SEPTIN9: variants seen among roughly 807,000 people sequenced by gnomAD.
The protein encoded by SEPTIN9 is septin 9.
In SEPTIN9, 13 loss-of-function variants were observed where a neutral mutation model predicts 56.6. The ratio of observed to expected loss-of-function variants is 0.23; its 90% CI spans 0.15 to 0.37. SEPTIN9 has a LOEUF of 0.37. SEPTIN9 is among the 10% of genes least tolerant of loss of function. The pLI is 1.00. For missense variants in SEPTIN9, 650 were observed against 823.1 expected, an observed-to-expected ratio of 0.79 and a Z score of 2.57; for synonymous variants, 332 against 334.1, an observed-to-expected ratio of 0.99 and a Z score of 0.07.
chr17:77,380,974 C>T (rs568368416), intron 2 of SEPTIN9, among the ~76,000 whole-genome samples: 4 of 152,330 alleles, frequency 2.6e-5, no homozygotes, highest in African/African-American at 7.2e-5. Context: ...CTCTGGAGCC[C>T]TTTGCAGCCT....
At position 77,482,326 on chromosome 17, in the gene SEPTIN9, A is replaced by G; in HGVS notation, c.904A>G (p.Met302Val). 1 of 1,612,286 alleles carries G rather than the reference A, an allele frequency of 6.2e-7. No homozygotes were observed. The highest frequency in any genetic ancestry group is 8.5e-7 in the Non-Finnish European group (1 of 1,179,844). ...GAAGCAGGGCTTCGAGTTCAACATC[A>G]TGGTGGTCGGTGAGTCCTCACCTTG... ...AMKQGFEFNIMVVGQSGLGKS... is the reference protein window; with the variant it reads ...AMKQGFEFNIVVVGQSGLGKS... The change falls in exon 4 of 12, where the codon ATG (methionine) becomes GTG (valine). Residue 302 changes from methionine to valine, a missense_variant. Around this residue, in one of 2 missense-constraint regions of SEPTIN9, gnomAD observed 333 missense variants for 494.0 expected, o/e 0.67. Coordinates refer to ENST00000427177, the MANE Select transcript of SEPTIN9 (RefSeq NM_001113491.2).
At chr17:77,307,665 G>A (rs2032324716) in intron 2 of SEPTIN9, among the ~76,000 whole-genome samples, 1 of 152,196 alleles carries the variant, frequency 6.6e-6, no homozygotes, top group Admixed American at 6.5e-5. Context: ...AAATAAGTGG[G>A]CCTCTGGCAG....
At chr17:77,442,523 A>AG (rs1441509380) in intron 3 of SEPTIN9, among the ~76,000 whole-genome samples, 1 of 151,482 alleles carries the variant, frequency 6.6e-6, no homozygotes, top group Non-Finnish European at 1.5e-5. Context: ...AAAAAAAAAA[A>AG]AAAAAGAACT....
In SEPTIN9 at chr17:77,449,347, C is replaced by G. The variant is rs1840347252; in HGVS notation, c.722-32797C>G. 6.6e-6 allele frequency among the ~76,000 whole-genome samples: 1 copy of G among 152,166 alleles called. No homozygotes were observed. The highest frequency in any genetic ancestry group is 2.4e-5 in the African/African-American group (1 of 41,408). ...CATTTGGTGACAGCAAGAGGAACCA[C>G]TGCAAGAGGGGCGGCCACCTCAGCA... On this transcript the variant is annotated intron_variant, in intron 3 of 11. Transcript: ENST00000427177. The surrounding 1 kb of genome is among the most constrained non-coding windows in gnomAD (Gnocchi z 4.6).
Position 77,299,219 on chromosome 17 carries a change from G to A in SEPTIN9, c.20-7922G>A, listed in dbSNP as rs2031936573. 2.0e-5 allele frequency among the ~76,000 whole-genome samples: 3 copies of A among 152,136 alleles called. No individual in the cohort carries two copies. In the South Asian group the frequency reaches 6.2e-4, roughly 32 times the overall value. The stretch of plus-strand genomic sequence containing the variant: ...TTCCACCCTTAGTGCATCTCTGGAG[G>A]CCCAAGGGAGCTAAAGGCCAGGCTT... On this transcript the variant is annotated intron_variant, in intron 1 of 11. Coordinates refer to ENST00000427177, the MANE Select transcript of SEPTIN9 (RefSeq NM_001113491.2).
intron 2 of SEPTIN9, among the ~76,000 whole-genome samples, chr17:77,388,235 A>T (rs148326946): frequency 4.3e-4 from 66 of 152,286 alleles, no homozygotes; most frequent in African/African-American, 1.5e-3. Flanking sequence ...GCCCCGGCTG[A>T]GTCCGAGAGT....
In SEPTIN9 at chr17:77,457,090, C is replaced by T. The variant is rs145142775; in HGVS notation, c.722-25054C>T. ...AGACACACCTGGGTCCAGCCTTTGCCCCCGGGGCTGTGTGCCTGGGATGGT... is the reference window on the plus strand; with the variant it reads ...AGACACACCTGGGTCCAGCCTTTGCTCCCGGGGCTGTGTGCCTGGGATGGT... On this transcript the variant is annotated intron_variant, in intron 3 of 11. Transcript: ENST00000427177. Among the ~76,000 whole-genome samples, 5 of 152,322 alleles carry T rather than the reference C, an allele frequency of 3.3e-5. No individual in the cohort carries two copies. In the East Asian group the frequency reaches 9.6e-4, roughly 29 times the overall value.
Position 77,405,082 on chromosome 17 carries a change from AAT to A in SEPTIN9, c.721+2380_721+2381del. 3 of 1,535,154 alleles carry A rather than the reference AAT, an allele frequency of 2.0e-6. No homozygotes were observed. Among genetic ancestry groups the A allele is most frequent in the Non-Finnish European group, 2.6e-6 (3 of 1,146,672 alleles). ...GAGGCGGTTGTCACCGAGCCATCTA[AAT>A]CTCGGTGATGGCTGGTGCTGGATGC... On this transcript the variant is annotated intron_variant, in intron 3 of 11. Transcript: ENST00000427177. The surrounding 1 kb of genome is among the most constrained non-coding windows in gnomAD (Gnocchi z 5.8).
chr17:77,282,803 T>C (rs2031091370), intron 1 of SEPTIN9, among the ~76,000 whole-genome samples: 1 of 152,126 alleles, frequency 6.6e-6, no homozygotes, highest in South Asian at 2.1e-4. Context: ...GGCACATGCT[T>C]GGTTTTGGCA....
chr17:77,446,098 C>T (rs1330272044), intron 3 of SEPTIN9: 1 of 167,238 alleles, frequency 6.0e-6, no homozygotes, highest in Non-Finnish European at 1.5e-5. Context: ...GGGCTACATT[C>T]GCTTCCTGTT....
intron 3 of SEPTIN9, among the ~76,000 whole-genome samples, chr17:77,411,397 CTTTTTT>C: frequency 7.0e-6 from 1 of 142,202 alleles, no homozygotes; most frequent in South Asian, 2.2e-4. Context: ...TTTTCTTTTT[CTTTTTT>C]TTTTTTTTTG....
At chr17:77,417,219 C>T (rs756236801) in intron 3 of SEPTIN9, among the ~76,000 whole-genome samples, 6 of 152,204 alleles carry the variant, frequency 3.9e-5, no homozygotes, top group East Asian at 1.9e-4. Context: ...TATTACCAAA[C>T]GAGGCACACA....
intron 1 of SEPTIN9, among the ~76,000 whole-genome samples, chr17:77,286,713 A>G (rs1048812973): frequency 6.6e-6 from 1 of 152,182 alleles, no homozygotes; most frequent in Non-Finnish European, 1.5e-5. Context: ...GTTTGTCCAC[A>G]GGCAGTGTTG....
chr17:77,382,551 A>G (rs115672740), intron 2 of SEPTIN9, among the ~76,000 whole-genome samples: 1 of 152,170 alleles, frequency 6.6e-6, no homozygotes, highest in Non-Finnish European at 1.5e-5. Context: ...CCTCCTCCCC[A>G]GGAGGCCTGG....
At position 77,450,582 on chromosome 17, in the gene SEPTIN9, C is replaced by T. The variant is rs2037926659; in HGVS notation, c.722-31562C>T. ...AGATGGGTCTGGCAGATCCCAGCGTCCAGGCCCAGCCCCTATAGTGTCAGC... is the reference window on the plus strand; with the variant it reads ...AGATGGGTCTGGCAGATCCCAGCGTTCAGGCCCAGCCCCTATAGTGTCAGC... On this transcript the variant is annotated intron_variant, in intron 3 of 11. Coordinates refer to ENST00000427177, the MANE Select transcript of SEPTIN9 (RefSeq NM_001113491.2). The surrounding 1 kb of genome is among the most constrained non-coding windows in gnomAD (Gnocchi z 6.0). 1.0e-6 allele frequency: 1 copy of T among 985,596 alleles called. No individual in the cohort carries two copies. The highest frequency in any genetic ancestry group is 1.7e-5 in the African/African-American group (1 of 57,338). 61.1% of individuals were successfully genotyped at this position (985,596 alleles called of 1,614,324 possible). A position where few individuals can be genotyped will look rare whatever the true frequency, so the allele number is the denominator to read the frequency against.
At chr17:77,446,601 T>G (rs2144375718) in intron 3 of SEPTIN9, 1 of 165,068 alleles carries the variant, frequency 6.1e-6, no homozygotes, top group Non-Finnish European at 1.5e-5. Context: ...TCTGCCTGCC[T>G]CAGCCTCCCA....
Position 77,405,088 on chromosome 17 carries a change from G to C in SEPTIN9, c.721+2385G>C, listed in dbSNP as rs908839702. 6.5e-7 allele frequency: 1 copy of C among 1,535,408 alleles called. No individual in the cohort carries two copies. The highest frequency in any genetic ancestry group is 8.7e-7 in the Non-Finnish European group (1 of 1,146,754). ...GTTGTCACCGAGCCATCTAAATCTC[G>C]GTGATGGCTGGTGCTGGATGCACAG... On this transcript the variant is annotated intron_variant, in intron 3 of 11. Coordinates refer to ENST00000427177, the MANE Select transcript of SEPTIN9 (RefSeq NM_001113491.2). This position sits in a 1 kb window ranked among gnomAD's most constrained non-coding sequence, Gnocchi z 5.8.
rs1568129891 is a variant in SEPTIN9, at chr17:77,499,732, C to T, written c.*1074C>T. On this transcript the variant is annotated 3_prime_UTR_variant, in exon 12 of 12. Coordinates refer to ENST00000427177, the MANE Select transcript of SEPTIN9 (RefSeq NM_001113491.2). ...ACTGGGCTGTAGTTACATTAATGCC[C>T]AGCCAGCCACCCCTGCCACTCACCC... The T allele has an allele frequency of 5.9e-6, 2 of 338,336 alleles. No homozygotes were observed. Among genetic ancestry groups the T allele is most frequent in the East Asian group, 1.0e-4 (2 of 19,592 alleles). 21.0% of individuals were successfully genotyped at this position (338,336 alleles called of 1,614,324 possible).
At chr17:77,498,337 C>T (rs947213565) in intron 11 of SEPTIN9, among the ~76,000 whole-genome samples, 186 bp from the exon 12 acceptor site, 1 of 151,686 alleles carries the variant, frequency 6.6e-6, no homozygotes, top group Non-Finnish European at 1.5e-5. Context: ...TCCCCCAAAA[C>T]GTGTACCAGA....
Sources: gnomAD v4.1 joint callset for allele counts (sites outside exome capture counted in the v4.1 genomes callset) on GRCh38, gnomAD v4.1.1 for gene constraint, gnomAD v4.1.1 regional missense constraint, Gnocchi (gnomAD v3.1) non-coding constraint, MANE v1.5 for transcripts, NCBI Gene and HGNC (gene_info 2026-07-23, HGNC 2026-07-21) for gene names.